BMPR2: variants seen among roughly 807,000 people sequenced by gnomAD.
BMPR2 encodes bone morphogenetic protein receptor type 2.
A neutral mutation model predicts 100.8 loss-of-function variants in BMPR2; 29 were observed. The ratio of observed to expected loss-of-function variants is 0.29; its 90% CI spans 0.21 to 0.39. BMPR2 has a LOEUF of 0.39. Ranked by LOEUF, BMPR2 falls within the 10% of genes least tolerant of loss-of-function variation. The pLI is 1.00. For synonymous variants in BMPR2, 382 were observed against 442.3 expected (o/e 0.86, Z 1.71); for missense variants, 1,011 against 1,274.5 (o/e 0.79, Z 3.15).
chr2:202,552,967 T>C, intron 11 of BMPR2, 79 bp downstream of exon 11: 1 of 1,543,060 alleles, frequency 6.5e-7, no homozygotes, highest in African/African-American at 1.4e-5. Context: ...ATAAATACTT[T>C]TAAACCAGCC....
chr2:202,522,506 CAAA>C (rs770945860), intron 7 of BMPR2, among the ~76,000 whole-genome samples: 2 of 107,618 alleles, frequency 1.9e-5, no homozygotes, highest in Non-Finnish European at 4.0e-5. Flanking sequence ...GACTCCCTCT[CAAA>C]AAAAAAAAAA....
intron 2 of BMPR2, among the ~76,000 whole-genome samples, chr2:202,466,023 T>G (rs1318011892): frequency 2.0e-5 from 3 of 152,222 alleles, no homozygotes; most frequent in African/African-American, 7.2e-5. Flanking sequence ...ATTATTCTAT[T>G]GGTAGACATT....
At position 202,420,586 on chromosome 2, in the gene BMPR2, G is replaced by A. The variant is rs1029648832; in HGVS notation, c.76+43036G>A. Reference sequence around the variant, plus strand: ...TTTTTTGAGACAGAGTCTTGCTGTCGTCCAGGCTGGAGTACAGTGGCATGA... The same window carrying A: ...TTTTTTGAGACAGAGTCTTGCTGTCATCCAGGCTGGAGTACAGTGGCATGA... On this transcript the variant is annotated intron_variant, in intron 1 of 12. Coordinates refer to ENST00000374580, the MANE Select transcript of BMPR2 (RefSeq NM_001204.7). Among the ~76,000 whole-genome samples, 11 of 115,472 alleles carry A rather than the reference G, an allele frequency of 9.5e-5. No individual in the cohort carries two copies. In the East Asian group the frequency reaches 1.1e-3, roughly 11 times the overall value. 75.8% of individuals were successfully genotyped at this position (115,472 alleles called of 152,430 possible). A position where few individuals can be genotyped will look rare whatever the true frequency, so the allele number is the denominator to read the frequency against.
chr2:202,557,730 A>G (rs1688606706), intron 12 of BMPR2, among the ~76,000 whole-genome samples: 1 of 152,156 alleles, frequency 6.6e-6, no homozygotes, highest in Non-Finnish European at 1.5e-5. Flanking sequence ...TTGTAAAGAA[A>G]AAAGTAATAT....
intron 1 of BMPR2, among the ~76,000 whole-genome samples, chr2:202,378,843 C>T (rs1337465335): frequency 6.6e-6 from 1 of 152,028 alleles, no homozygotes; most frequent in Non-Finnish European, 1.5e-5. Flanking sequence ...CCATGTGGTT[C>T]CTGTAAAATA....
chr2:202,533,203 T>C (rs1482274781), intron 9 of BMPR2, among the ~76,000 whole-genome samples: 2 of 151,998 alleles, frequency 1.3e-5, no homozygotes, highest in African/African-American at 4.8e-5. Flanking sequence ...TCCTCTTCTC[T>C]CACCTTATCT....
intron 1 of BMPR2, among the ~76,000 whole-genome samples, chr2:202,428,009 A>G (rs1265261850): frequency 6.6e-6 from 1 of 152,050 alleles, no homozygotes; most frequent in African/African-American, 2.4e-5. Flanking sequence ...CAAATAAAAT[A>G]AATAATACCT....
At chr2:202,397,657 C>A (rs1157664511) in intron 1 of BMPR2, among the ~76,000 whole-genome samples, 2 of 151,340 alleles carry the variant, frequency 1.3e-5, no homozygotes, top group Non-Finnish European at 2.9e-5. Context: ...TGCCACCACG[C>A]CCACCTAATT....
intron 1 of BMPR2, 36 bp from the exon 2 acceptor site, chr2:202,464,772 TA>T (rs1281219709): frequency 6.4e-7 from 1 of 1,573,418 alleles, no homozygotes; most frequent in East Asian, 2.3e-5. Context: ...TTGAAAACAT[TA>T]AATAATTTGT....
intron 3 of BMPR2, among the ~76,000 whole-genome samples, chr2:202,513,453 C>A (rs965704726): frequency 6.6e-6 from 1 of 152,112 alleles, no homozygotes; most frequent in African/African-American, 2.4e-5. Flanking sequence ...TAATCTGTTT[C>A]ATGGTATTGT....
intron 1 of BMPR2, among the ~76,000 whole-genome samples, chr2:202,434,908 A>AATATATATATATATATATATAT (rs1553500439): frequency 4.2e-4 from 16 of 38,410 alleles, no homozygotes; most frequent in South Asian, 2.8e-3. Flanking sequence ...AAAAAAAAAA[A>AATATATATATATATATATATAT]ATATATATAT....
chr2:202,477,376 AT>A lies in BMPR2; in HGVS notation c.418+9697del, dbSNP rs774127709. On this transcript the variant is annotated intron_variant, in intron 3 of 12. Transcript: ENST00000374580. ...TATGTATGAAAGCCTATATTCTGTG[AT>A]TTTTTTTTTAATTTGAAGGATTGTT... Among the ~76,000 whole-genome samples the A allele has an allele frequency of 7.9e-4, 118 of 150,180 alleles. 1 individual carries two copies. The South Asian group carries it at 8.6e-3, about 11-fold the overall frequency.
chr2:202,412,449 G>T (rs79286361), intron 1 of BMPR2, among the ~76,000 whole-genome samples: 1 of 152,076 alleles, frequency 6.6e-6, no homozygotes, highest in African/African-American at 2.4e-5. Context: ...CTCCCGAGTA[G>T]CTGGGACTAC....
At chr2:202,377,639 T>C in intron 1 of BMPR2, 89 bp downstream of exon 1, 1 of 1,458,208 alleles carries the variant, frequency 6.9e-7, no homozygotes, top group Non-Finnish European at 9.6e-7. Flanking sequence ...GTGCTTGCCC[T>C]TCGCCATGCG....
chr2:202,403,182 C>T (rs1690803707), intron 1 of BMPR2, among the ~76,000 whole-genome samples: 1 of 101,314 alleles, frequency 9.9e-6, no homozygotes, highest in Admixed American at 1.0e-4. Context: ...TCCCCTTCCC[C>T]TCCCCTCCCC....
At chr2:202,485,480 A>G (rs1292848847) in intron 3 of BMPR2, among the ~76,000 whole-genome samples, 1 of 149,498 alleles carries the variant, frequency 6.7e-6, no homozygotes, top group Non-Finnish European at 1.5e-5. Flanking sequence ...GCGTAATTCT[A>G]ATCTCTGCTT....
chr2:202,394,248 G>A (rs1482981850), intron 1 of BMPR2, among the ~76,000 whole-genome samples: 2 of 152,070 alleles, frequency 1.3e-5, no homozygotes, highest in Non-Finnish European at 2.9e-5. Flanking sequence ...GCTACTTGGA[G>A]GCTGAGGCAG....
chr2:202,545,915 G>A (rs1209214830), intron 10 of BMPR2, among the ~76,000 whole-genome samples: 3 of 152,112 alleles, frequency 2.0e-5, no homozygotes, highest in Non-Finnish European at 4.4e-5. Flanking sequence ...TCACAATAGA[G>A]TATCCCTAAA....
In BMPR2 at chr2:202,388,408, A is replaced by C. The variant is rs1428248818; in HGVS notation, c.76+10858A>C. 4.0e-5 allele frequency among the ~76,000 whole-genome samples: 6 copies of C among 150,506 alleles called. No individual in the cohort carries two copies. The East Asian group carries it at 5.9e-4, about 15-fold the overall frequency. On this transcript the variant is annotated intron_variant, in intron 1 of 12. Coordinates refer to ENST00000374580, the MANE Select transcript of BMPR2 (RefSeq NM_001204.7). ...CGAGACTCCATCTCAAAAAAAAAAA[A>C]AAAAAAAAAAAACATTGTTTGTCCA... is the stretch of plus-strand genomic sequence containing the variant.
Sources: gnomAD v4.1 joint callset for allele counts (sites outside exome capture counted in the v4.1 genomes callset) on GRCh38, gnomAD v4.1.1 for gene constraint, MANE v1.5 for transcripts, NCBI Gene and HGNC (gene_info 2026-07-23, HGNC 2026-07-21) for gene names.